Variants in HOXC8 observed in about 807,000 individuals in gnomAD.
HOXC8 encodes homeobox protein Hox-C8.
Under a neutral mutation model 25.8 loss-of-function variants are expected in HOXC8, and 14 were observed. The ratio of observed to expected loss-of-function variants is 0.54; its 90% CI spans 0.36 to 0.85. The LOEUF is 0.85. Among genes scored for constraint, HOXC8 ranks in the 40% least tolerant of loss-of-function variants. HOXC8 has a pLI of 0.01. For missense variants in HOXC8, 316 were observed against 308.8 expected (o/e 1.02, Z -0.17); for synonymous variants, 144 against 124.6 (o/e 1.16, Z -1.04).
In HOXC8 at chr12:54,012,138, G is replaced by C. The variant is rs1199768941; in HGVS notation, c.*757G>C. 6.6e-6 allele frequency: 1 copy of C among 152,238 alleles called. No individual in the cohort carries two copies. Among genetic ancestry groups the C allele is most frequent in the Non-Finnish European group, 1.5e-5 (1 of 68,012 alleles). 9.4% of individuals were successfully genotyped at this position (152,238 alleles called of 1,614,324 possible). On this transcript the variant is annotated 3_prime_UTR_variant, in exon 2 of 2. Transcript: ENST00000040584. ...TCGGGCCCATGCCTTCCTCTCCTTC[G>C]CTGTTTGATTTCTATTCTGTTGGGC...
chr12:54,011,280 A>C lies in HOXC8; in HGVS notation c.628A>C (p.Lys210Gln). 1 of 1,595,006 alleles carries C rather than the reference A, an allele frequency of 6.3e-7. No homozygotes were observed. The highest frequency in any genetic ancestry group is 8.5e-7 in the Non-Finnish European group (1 of 1,170,942). Residue 210 changes from lysine to glutamine, a missense_variant, in exon 2 of 2, where the codon AAG becomes CAG. Coordinates refer to ENST00000040584, the MANE Select transcript of HOXC8 (RefSeq NM_022658.4). ...GATGAAGTGGAAAAAGGAGAACAAC[A>C]AGGATAAACTGCCGGGAGCCCGAGA... ...RRMKWKKENN[K>Q]DKLPGARDEE... is the part of the protein sequence containing the mutation.
At chr12:54,011,054 C>G (rs749856036) in intron 1 of HOXC8, 35 bp from the exon 2 acceptor site, 23 of 1,516,262 alleles carry the variant, frequency 1.5e-5, no homozygotes, top group Non-Finnish European at 2.0e-5. Context: ...AGCCCCCATC[C>G]AAACGTAACC....
chr12:54,011,562 C>G lies in HOXC8; in HGVS notation c.*181C>G, dbSNP rs1388170361. On this transcript the variant is annotated 3_prime_UTR_variant, in exon 2 of 2. Coordinates refer to ENST00000040584, the MANE Select transcript of HOXC8 (RefSeq NM_022658.4). ...TTTTATTACCTTTGGACTTCCCCCA[C>G]TCTTTATTTGTTTGGGGGCTGGAGG... The G allele has an allele frequency of 1.3e-6, 1 of 754,690 alleles. No homozygotes were observed. Among genetic ancestry groups the G allele is most frequent in the Non-Finnish European group, 1.9e-6 (1 of 521,686 alleles). The allele number at this position is 754,690 out of a possible 1,614,324, so 46.7% of individuals were successfully genotyped here.
chr12:54,010,230 C>A (rs1342868058), intron 1 of HOXC8, among the ~76,000 whole-genome samples: 2 of 152,200 alleles, frequency 1.3e-5, no homozygotes, highest in African/African-American at 4.8e-5. Context: ...TAAGGACAGG[C>A]TCTCTGGCTC....
At chr12:54,010,541 A>G (rs1299824569) in intron 1 of HOXC8, among the ~76,000 whole-genome samples, 1 of 152,212 alleles carries the variant, frequency 6.6e-6, no homozygotes. Context: ...CGATAAAGCG[A>G]CAAGTTCCGG....
rs1360680093 is a variant in HOXC8, at chr12:54,011,570, T to C, written c.*189T>C. 1.4e-6 allele frequency: 1 copy of C among 692,666 alleles called. No homozygotes were observed. The highest frequency in any genetic ancestry group is 1.9e-5 in the African/African-American group (1 of 54,024). The allele number at this position is 692,666 out of a possible 1,614,324, so 42.9% of individuals were successfully genotyped here. A position where few individuals can be genotyped will look rare whatever the true frequency, so the allele number is the denominator to read the frequency against. On this transcript the variant is annotated 3_prime_UTR_variant, in exon 2 of 2. Transcript: ENST00000040584. ...CCTTTGGACTTCCCCCACTCTTTAT[T>C]TGTTTGGGGGCTGGAGGGGGGAGAC...
intron 1 of HOXC8, among the ~76,000 whole-genome samples, chr12:54,010,019 C>G (rs987697507): frequency 6.6e-6 from 1 of 152,212 alleles, no homozygotes; most frequent in Non-Finnish European, 1.5e-5. Context: ...CTCTCTGACT[C>G]TCCCACTCCC....
In HOXC8 at chr12:54,011,217, A is replaced by T; in HGVS notation, c.565A>T (p.Thr189Ser). The T allele has an allele frequency of 6.2e-7, 1 of 1,613,830 alleles. No individual in the cohort carries two copies. The highest frequency in any genetic ancestry group is 2.2e-5 in the East Asian group (1 of 44,874). ...RIEVSHALGL[T>S]ERQVKIWFQN... ...TGAAGTCTCTCATGCCCTGGGACTG[A>T]CCGAGAGACAAGTGAAGATCTGGTT... Residue 189 changes from threonine (T) to serine (S), a missense_variant, in exon 2 of 2, where the codon ACC becomes TCC. Physicochemically the swap from Thr to Ser is moderately conservative, Grantham distance 58. Transcript: ENST00000040584.
intron 1 of HOXC8, 78 bp from the exon 2 acceptor site, chr12:54,011,011 G>A: frequency 9.6e-7 from 1 of 1,044,464 alleles, no homozygotes. Flanking sequence ...AGAGAGGGGA[G>A]TTTAGAGTAG....
intron 1 of HOXC8, among the ~76,000 whole-genome samples, chr12:54,010,300 T>C (rs1350446847): frequency 6.6e-6 from 1 of 152,124 alleles, no homozygotes; most frequent in Non-Finnish European, 1.5e-5. Context: ...CCCCAACTTT[T>C]TTATACTTCC....
At position 54,011,530 on chromosome 12, in the gene HOXC8, G is replaced by C; in HGVS notation, c.*149G>C. ...TCTAACTACCTGTCAGATACTTGCA[G>C]CTCTGGTTTTATTACCTTTGGACTT... On this transcript the variant is annotated 3_prime_UTR_variant, in exon 2 of 2. Coordinates refer to ENST00000040584, the MANE Select transcript of HOXC8 (RefSeq NM_022658.4). 9.7e-7 allele frequency: 1 copy of C among 1,025,944 alleles called. No homozygotes were observed. The highest frequency in any genetic ancestry group is 2.9e-5 in the East Asian group (1 of 34,882). 63.6% of individuals were successfully genotyped at this position (1,025,944 alleles called of 1,614,324 possible).
rs1350172801 is a variant in HOXC8, at chr12:54,011,506, C to CT, written c.*126dup. ...AGAGAATAGAATGACACTCACAACT[C>CT]TAACTACCTGTCAGATACTTGCAGC... On this transcript the variant is annotated 3_prime_UTR_variant, in exon 2 of 2. Coordinates refer to ENST00000040584, the MANE Select transcript of HOXC8 (RefSeq NM_022658.4). The CT allele has an allele frequency of 2.6e-5, 31 of 1,195,908 alleles. No homozygotes were observed. In the African/African-American group the frequency reaches 3.2e-4, roughly 12 times the overall value. The allele number at this position is 1,195,908 out of a possible 1,614,324, so 74.1% of individuals were successfully genotyped here. A position where few individuals can be genotyped will look rare whatever the true frequency, so the allele number is the denominator to read the frequency against.
chr12:54,011,306 T>A lies in HOXC8; in HGVS notation c.654T>A (p.Asp218Glu), dbSNP rs1277088819. Residue 218 changes from aspartate to glutamate, a missense_variant, in exon 2 of 2, where the codon GAT (aspartate) becomes GAA (glutamate). By Grantham distance (45) the Asp-to-Glu change is conservative. Transcript: ENST00000040584. ...NNKDKLPGAR[D>E]EEKVEEEGNE... is the part of the protein sequence containing the mutation. ...AGGATAAACTGCCGGGAGCCCGAGA[T>A]GAGGAGAAGGTGGAGGAAGAAGGAA... 5 of 1,547,730 alleles carry A rather than the reference T, an allele frequency of 3.2e-6. No homozygotes were observed. The East Asian group carries it at 9.4e-5, about 29-fold the overall frequency.
Position 54,009,750 on chromosome 12 carries a change from T to G in HOXC8, c.436+30T>G, listed in dbSNP as rs917713703. ...GAAGCCTTTTCTCTTTCCCCCTTGG[T>G]CTCCCGCGCTCCAGGGTTTCCCCCC... On this transcript the variant is annotated intron_variant, in intron 1 of 1. Coordinates refer to ENST00000040584, the MANE Select transcript of HOXC8 (RefSeq NM_022658.4). This position sits in a 1 kb window ranked among gnomAD's most constrained non-coding sequence, Gnocchi z 5.0. 3.1e-6 allele frequency: 5 copies of G among 1,588,422 alleles called. No individual in the cohort carries two copies. Among genetic ancestry groups the G allele is most frequent in the Non-Finnish European group, 4.3e-6 (5 of 1,159,228 alleles).
rs1939934001 is a variant in HOXC8 at position 54,009,472 on chromosome 12, G to A, written c.188G>A (p.Gly63Asp). The part of the protein sequence containing the change: ...SHHVQDFFHH[G>D]TSGISNSGYQ... ...CACGTTCAAGACTTCTTCCACCACG[G>A]CACCTCCGGCATCTCCAACTCAGGC... is the stretch of plus-strand genomic sequence containing the variant. The change falls in exon 1 of 2, where the codon GGC becomes GAC. Residue 63 changes from glycine (G) to aspartate (D), a missense_variant. Gly to Asp is a moderately conservative substitution (Grantham distance 94). Transcript: ENST00000040584. This position sits in a 1 kb window ranked among gnomAD's most constrained non-coding sequence, Gnocchi z 5.0. 3.1e-6 allele frequency: 5 copies of A among 1,614,004 alleles called. No homozygotes were observed. Among genetic ancestry groups the A allele is most frequent in the Non-Finnish European group, 4.2e-6 (5 of 1,180,028 alleles).
rs772973141 is a variant in HOXC8, at chr12:54,012,563, A to G, written c.*1182A>G. The stretch of plus-strand genomic sequence containing the variant: ...TAGAACTAAATTGCACTGAATGTAT[A>G]GTTAACTCTGTCTTGAATTCTCTGT... On this transcript the variant is annotated 3_prime_UTR_variant, in exon 2 of 2. Transcript: ENST00000040584. 6.6e-6 allele frequency among the ~76,000 whole-genome samples: 1 copy of G among 152,132 alleles called. No individual in the cohort carries two copies. Among genetic ancestry groups the G allele is most frequent in the Non-Finnish European group, 1.5e-5 (1 of 68,040 alleles).
rs779333432 is a variant in HOXC8 at position 54,009,719 on chromosome 12, C to A, written c.435C>A (p.His145Gln). ...TCATGTTTCCATGGATGAGACCCCA[C>A]GGTGAGAAGCCTTTTCTCTTTCCCC... ...PSLMFPWMRP[H>Q]APGRRSGRQT... The change falls in exon 1 of 2, where the codon CAC (histidine) becomes CAA (glutamine). Residue 145 changes from histidine to glutamine, a missense_variant and splice_region_variant. Coordinates refer to ENST00000040584, the MANE Select transcript of HOXC8 (RefSeq NM_022658.4). The surrounding 1 kb of genome is among the most constrained non-coding windows in gnomAD (Gnocchi z 5.0). The A allele has an allele frequency of 1.2e-6, 2 of 1,612,488 alleles. No individual in the cohort carries two copies. The highest frequency in any genetic ancestry group is 2.2e-5 in the South Asian group (2 of 91,046).
rs958240333 is a variant in HOXC8, at chr12:54,012,677, G to A, written c.*1296G>A. Among the ~76,000 whole-genome samples, 3 of 152,310 alleles carry A rather than the reference G, an allele frequency of 2.0e-5. No individual in the cohort carries two copies. Among genetic ancestry groups the A allele is most frequent in the African/African-American group, 7.2e-5 (3 of 41,558 alleles). The stretch of plus-strand genomic sequence containing the variant: ...TTTGTCTTTATGTCCAGCTATGAAT[G>A]TAGATTTTGTGTCCCGACAGCCCTG... On this transcript the variant is annotated 3_prime_UTR_variant, in exon 2 of 2. Coordinates refer to ENST00000040584, the MANE Select transcript of HOXC8 (RefSeq NM_022658.4).
chr12:54,010,793 G>C (rs745933187), intron 1 of HOXC8, among the ~76,000 whole-genome samples: 3 of 152,136 alleles, frequency 2.0e-5, no homozygotes, highest in African/African-American at 7.2e-5. Context: ...AGCTGCAAAG[G>C]CCAGTTCCTA....
Sources: gnomAD v4.1 joint callset for allele counts (sites outside exome capture counted in the v4.1 genomes callset) on GRCh38, gnomAD v4.1.1 for gene constraint, Gnocchi (gnomAD v3.1) non-coding constraint, MANE v1.5 for transcripts, NCBI Gene and HGNC (gene_info 2026-07-23, HGNC 2026-07-21) for gene names.